GBE1: variants seen among roughly 807,000 people sequenced by gnomAD.
GBE1 encodes the protein 1,4-alpha-glucan branching enzyme 1.
GBE1 carries 70 observed loss-of-function variants against 88.8 expected under a neutral mutation model. The observed-to-expected ratio is 0.79, with a 90% CI of 0.65 to 0.96. GBE1 has a LOEUF of 0.96. Ranked by LOEUF, GBE1 falls within the 40% of genes least tolerant of loss-of-function variation. The pLI is 0.00. For synonymous variants in GBE1, 284 were observed against 300.1 expected (o/e 0.95, Z 0.56); for missense variants, 872 against 871.0 (o/e 1.00, Z -0.01).
intron 1 of GBE1, among the ~76,000 whole-genome samples, chr3:81,709,931 G>T (rs913241083): frequency 2.6e-5 from 4 of 152,172 alleles, no homozygotes; most frequent in African/African-American, 9.6e-5. Context: ...CAAATTTCTG[G>T]TAACCAAGAA....
intron 7 of GBE1, chr3:81,613,092 G>A: frequency 1.7e-6 from 1 of 590,110 alleles, no homozygotes. Flanking sequence ...GAACACTGAT[G>A]GATTCCGACC....
intron 7 of GBE1, chr3:81,612,629 AG>A (rs1263637121): frequency 5.1e-6 from 3 of 589,960 alleles, no homozygotes; most frequent in Non-Finnish European, 9.8e-6. Context: ...TGGTTGGCGG[AG>A]TTTGTTACAT....
intron 1 of GBE1, among the ~76,000 whole-genome samples, chr3:81,717,679 GTTC>G (rs1477596760): frequency 2.0e-5 from 3 of 151,984 alleles, no homozygotes; most frequent in African/African-American, 7.3e-5. Context: ...AAAGTTTTAG[GTTC>G]TTCTTCTACA....
intron 6 of GBE1, among the ~76,000 whole-genome samples, chr3:81,643,475 T>C (rs1704720913): frequency 6.6e-6 from 1 of 152,134 alleles, no homozygotes; most frequent in Admixed American, 6.6e-5. Context: ...CAAGACAATG[T>C]GCCACGTTTG....
chr3:81,506,631 C>A (rs1367145416), intron 14 of GBE1, among the ~76,000 whole-genome samples: 7 of 152,142 alleles, frequency 4.6e-5, no homozygotes, highest in African/African-American at 1.7e-4. Context: ...ATGTTCACTG[C>A]AGCACTATTC....
At chr3:81,577,790 G>A (rs549463475) in intron 12 of GBE1, 135 bp downstream of exon 12, 20 of 631,344 alleles carry the variant, frequency 3.2e-5, no homozygotes, top group African/African-American at 1.5e-4. Context: ...CAATTTACAC[G>A]ACAGTATATG....
chr3:81,515,015 CAT>C (rs943665777), intron 14 of GBE1, among the ~76,000 whole-genome samples: 1 of 150,936 alleles, frequency 6.6e-6, no homozygotes, highest in African/African-American at 2.4e-5. Context: ...GAAAAAAAAA[CAT>C]ATATTTTGGA....
intron 6 of GBE1, among the ~76,000 whole-genome samples, chr3:81,645,051 T>C (rs560265481): frequency 2.0e-5 from 3 of 152,154 alleles, no homozygotes; most frequent in Admixed American, 2.0e-4. Flanking sequence ...CACATGAAGT[T>C]TGATATATGT....
intron 14 of GBE1, among the ~76,000 whole-genome samples, chr3:81,514,620 A>C (rs1399658327): frequency 1.3e-5 from 2 of 151,626 alleles, no homozygotes; most frequent in African/African-American, 2.4e-5. Flanking sequence ...TTTCTCTGAG[A>C]AACAGAAACT....
intron 1 of GBE1, among the ~76,000 whole-genome samples, chr3:81,726,126 A>G (rs1184114657): frequency 6.6e-6 from 1 of 152,136 alleles, no homozygotes; most frequent in Non-Finnish European, 1.5e-5. Flanking sequence ...CAAGTTTGAT[A>G]AAATTCAATT....
At chr3:81,541,450 G>GCCC (rs11456624) in intron 12 of GBE1, among the ~76,000 whole-genome samples, 14 of 144,916 alleles carry the variant, frequency 9.7e-5, no homozygotes, top group Non-Finnish European at 1.8e-4. Context: ...GCTGCAAGTT[G>GCCC]CCCCCCCCGC....
At chr3:81,517,026 C>A (rs887107013) in intron 14 of GBE1, among the ~76,000 whole-genome samples, 4 of 151,440 alleles carry the variant, frequency 2.6e-5, no homozygotes, top group Non-Finnish European at 5.9e-5. Flanking sequence ...CCTAGGTAAT[C>A]TTTATCAACT....
At chr3:81,614,086 C>T (rs1045762388) in intron 7 of GBE1, among the ~76,000 whole-genome samples, 3 of 152,068 alleles carry the variant, frequency 2.0e-5, no homozygotes, top group Non-Finnish European at 4.4e-5. Flanking sequence ...GTAATCATGG[C>T]TCACTGCAGC....
intron 1 of GBE1, among the ~76,000 whole-genome samples, chr3:81,721,178 G>A (rs868599925): frequency 1.6e-4 from 16 of 101,002 alleles, no homozygotes; most frequent in African/African-American, 6.5e-4. Context: ...ATGTGCACAT[G>A]TACCCTAAAA....
chr3:81,584,337 T>C (rs560662440), intron 10 of GBE1, among the ~76,000 whole-genome samples: 1 of 152,242 alleles, frequency 6.6e-6, no homozygotes, highest in South Asian at 2.1e-4. Flanking sequence ...ACAGGCCATA[T>C]ACATTCTGAG....
intron 1 of GBE1, among the ~76,000 whole-genome samples, chr3:81,750,539 G>GTA (rs71108342): frequency 0.3 from 20,052 of 65,826 alleles, 4,558 homozygotes; most frequent in East Asian, 0.71. Flanking sequence ...ATATATATAC[G>GTA]TATATATATA....
intron 15 of GBE1, among the ~76,000 whole-genome samples, chr3:81,495,635 T>C (rs1215829643): frequency 6.6e-6 from 1 of 152,208 alleles, no homozygotes; most frequent in Non-Finnish European, 1.5e-5. Context: ...CTAGTATTTC[T>C]GTACAGAAAT....
At chr3:81,737,063 T>C (rs1706265590) in intron 1 of GBE1, among the ~76,000 whole-genome samples, 2 of 151,480 alleles carry the variant, frequency 1.3e-5, no homozygotes, top group Admixed American at 1.3e-4. Flanking sequence ...CAAAATTCAA[T>C]AGGACATAAA....
chr3:81,608,042 A>C (rs1704127034), intron 7 of GBE1, among the ~76,000 whole-genome samples: 1 of 152,188 alleles, frequency 6.6e-6, no homozygotes, highest in Non-Finnish European at 1.5e-5. Context: ...AGTCCTTAGG[A>C]CTAAATCCAC....
Sources: gnomAD v4.1 joint callset for allele counts (sites outside exome capture counted in the v4.1 genomes callset) on GRCh38, gnomAD v4.1.1 for gene constraint, MANE v1.5 for transcripts, NCBI Gene and HGNC (gene_info 2026-07-23, HGNC 2026-07-21) for gene names.